Variants in ZNF385D observed in about 807,000 individuals in gnomAD.
ZNF385D encodes the protein zinc finger protein 385D.
A neutral mutation model predicts 35.8 loss-of-function variants in ZNF385D; 15 were observed. The observed-to-expected ratio is 0.42, with a 90% CI of 0.28 to 0.64. ZNF385D has a LOEUF of 0.64. Ranked by LOEUF, ZNF385D falls within the 30% of genes least tolerant of loss-of-function variation. The probability of loss-of-function intolerance (pLI) is 0.23; values close to 1 mark genes in which losing one functional copy is unlikely to be tolerated. For missense variants in ZNF385D, 474 were observed against 494.6 expected (o/e 0.96, Z 0.39); for synonymous variants, 212 against 186.8 (o/e 1.13, Z -1.10).
chr3:22,010,134 A>G (rs1696478354), intron 3 of ZNF385D, among the ~76,000 whole-genome samples: 2 of 152,166 alleles, frequency 1.3e-5, no homozygotes, highest in Non-Finnish European at 2.9e-5. Context: ...AGATTCCAAG[A>G]TGAGAAGATT....
chr3:22,207,150 A>G (rs1697210375), intron 2 of ZNF385D, among the ~76,000 whole-genome samples: 1 of 151,956 alleles, frequency 6.6e-6, no homozygotes, highest in Non-Finnish European at 1.5e-5. Context: ...ATTTGAAAAC[A>G]TACAAGAAAT....
At chr3:22,321,588 A>C (rs1204105725) in intron 2 of ZNF385D, among the ~76,000 whole-genome samples, 1 of 151,824 alleles carries the variant, frequency 6.6e-6, no homozygotes, top group Non-Finnish European at 1.5e-5. Flanking sequence ...GATGGTCTCG[A>C]TCTCCTGACC....
chr3:21,918,014 T>C (rs1182295230), intron 3 of ZNF385D, among the ~76,000 whole-genome samples: 7 of 152,320 alleles, frequency 4.6e-5, no homozygotes, highest in Middle Eastern at 3.4e-3. Context: ...TCTGAATTGA[T>C]TGCTCAGGGA....
intron 2 of ZNF385D, among the ~76,000 whole-genome samples, chr3:22,209,101 C>A (rs1195599166): frequency 6.6e-6 from 1 of 151,880 alleles, no homozygotes; most frequent in Non-Finnish European, 1.5e-5. Context: ...GCATTCTGCT[C>A]CTCCGATTCA....
At chr3:21,515,920 C>T (rs1473752529) in intron 3 of ZNF385D, among the ~76,000 whole-genome samples, 1 of 152,160 alleles carries the variant, frequency 6.6e-6, no homozygotes, top group Non-Finnish European at 1.5e-5. Flanking sequence ...CCCAATTGCT[C>T]CTATAGATAA....
At chr3:22,094,349 C>G (rs1489782991) in intron 3 of ZNF385D, among the ~76,000 whole-genome samples, 3 of 110,964 alleles carry the variant, frequency 2.7e-5, no homozygotes, top group Non-Finnish European at 5.7e-5. Flanking sequence ...CAGAAATGTG[C>G]AGGCATTTTA....
intron 3 of ZNF385D, among the ~76,000 whole-genome samples, chr3:22,144,259 A>G (rs570728353): frequency 1.5e-4 from 23 of 152,294 alleles, no homozygotes; most frequent in African/African-American, 5.5e-4. Flanking sequence ...AATTATTTTA[A>G]ACTTGAAGAG....
At chr3:22,146,727 T>C (rs1290847844) in intron 3 of ZNF385D, among the ~76,000 whole-genome samples, 3 of 152,162 alleles carry the variant, frequency 2.0e-5, no homozygotes, top group Non-Finnish European at 4.4e-5. Context: ...TTAGTTTTCC[T>C]GAGACTATAA....
rs35548918 is a variant in ZNF385D at position 22,232,321 on chromosome 3, C to CTT, written c.107-63288_107-63287dup. On this transcript the variant is annotated intron_variant, in intron 2 of 5. Coordinates refer to the ZNF385D transcript ENST00000494108. ...TATTAATGAAATTGTATGATTACAC[C>CTT]TTTTTTTTTTTTCAAATTTCCTACT... Among the ~76,000 whole-genome samples the CTT allele has an allele frequency of 4.1e-5, 6 of 147,878 alleles. No homozygotes were observed. The South Asian group carries it at 6.5e-4, about 16-fold the overall frequency.
chr3:22,113,975 AAC>A (rs912029938), intron 3 of ZNF385D, among the ~76,000 whole-genome samples: 2 of 152,138 alleles, frequency 1.3e-5, no homozygotes, highest in East Asian at 3.9e-4. Context: ...GTTTACCTTT[AAC>A]ATAATTAAAT....
chr3:22,148,541 A>C (rs1253233428), intron 3 of ZNF385D, among the ~76,000 whole-genome samples: 1 of 152,234 alleles, frequency 6.6e-6, no homozygotes, highest in Non-Finnish European at 1.5e-5. Context: ...CTACAAACCA[A>C]GAATCTGTGT....
intron 3 of ZNF385D, among the ~76,000 whole-genome samples, chr3:21,846,231 G>C (rs973654263): frequency 6.6e-6 from 1 of 152,000 alleles, no homozygotes; most frequent in African/African-American, 2.4e-5. Flanking sequence ...AGGTGATTCT[G>C]TTTGGAATTT....
intron 1 of ZNF385D, among the ~76,000 whole-genome samples, chr3:21,668,617 G>A (rs978579764): frequency 2.0e-5 from 3 of 152,186 alleles, no homozygotes; most frequent in South Asian, 2.1e-4. Context: ...ATTGAGGCAC[G>A]AAATCGAAGC....
chr3:22,065,657 A>G (rs1213140803), intron 3 of ZNF385D, among the ~76,000 whole-genome samples: 1 of 152,162 alleles, frequency 6.6e-6, no homozygotes. Context: ...TCAGTTAGGC[A>G]AATACACAGG....
intron 3 of ZNF385D, among the ~76,000 whole-genome samples, chr3:22,043,192 T>C (rs1275534786): frequency 6.6e-6 from 1 of 152,200 alleles, no homozygotes. Flanking sequence ...ACAATAGCAC[T>C]AAATTTATCA....
chr3:22,092,713 T>A (rs1824970), intron 3 of ZNF385D, among the ~76,000 whole-genome samples: 20,616 of 152,066 alleles, frequency 0.14, 1,502 homozygotes, highest in Non-Finnish European at 0.16. Flanking sequence ...AATCCCCTCT[T>A]ACAGTTAATA....
chr3:22,208,648 C>T (rs1449233811), intron 2 of ZNF385D, among the ~76,000 whole-genome samples: 1 of 151,358 alleles, frequency 6.6e-6, no homozygotes, highest in Non-Finnish European at 1.5e-5. Context: ...ACATTATTTG[C>T]CCATATCAAA....
At chr3:21,771,557 C>T (rs950123722) in intron 3 of ZNF385D, among the ~76,000 whole-genome samples, 1 of 151,470 alleles carries the variant, frequency 6.6e-6, no homozygotes, top group Non-Finnish European at 1.5e-5. Context: ...AAAACTTCAA[C>T]ACAATTACCT....
intron 3 of ZNF385D, among the ~76,000 whole-genome samples, chr3:21,910,189 A>G (rs1317777299): frequency 6.6e-6 from 1 of 151,860 alleles, no homozygotes; most frequent in African/African-American, 2.4e-5. Flanking sequence ...TCCAATAGCT[A>G]TGTGACTCTT....
Sources: allele counts gnomAD v4.1 joint callset (sites outside exome capture counted in the v4.1 genomes callset), GRCh38; gene constraint gnomAD v4.1.1; transcripts MANE v1.5; gene names NCBI Gene and HGNC (gene_info 2026-07-23, HGNC 2026-07-21).